Variants in LUZP2 observed in about 807,000 individuals in gnomAD.
LUZP2 encodes the protein leucine zipper protein 2.
Under a neutral mutation model 51.6 loss-of-function variants are expected in LUZP2, and 52 were observed. The ratio of observed to expected loss-of-function variants is 1.01; its 90% CI spans 0.81 to 1.27. LUZP2 has a LOEUF of 1.27. Among genes scored for constraint, LUZP2 ranks in the 50% most tolerant of loss-of-function variants. The pLI, the probability that LUZP2 is intolerant of heterozygous loss-of-function variation, is 0.00. For missense variants in LUZP2, 436 were observed against 395.4 expected, an observed-to-expected ratio of 1.10 and a Z score of -0.87; for synonymous variants, 154 against 137.3, an observed-to-expected ratio of 1.12 and a Z score of -0.85.
rs1851930732 is a variant in LUZP2, at chr11:24,558,268, G to A, written c.62+60963G>A. Among the ~76,000 whole-genome samples the A allele has an allele frequency of 3.9e-5, 6 of 152,048 alleles. No individual in the cohort carries two copies. The South Asian group carries it at 1.2e-3, about 32-fold the overall frequency. On this transcript the variant is annotated intron_variant, in intron 1 of 11. Coordinates refer to ENST00000336930, the MANE Select transcript of LUZP2 (RefSeq NM_001009909.4). ...TTGGTTCTGAGGCCTTTGAACCTGA[G>A]CTGAGCCACACTACTGGCTTTCCTG... is the stretch of plus-strand genomic sequence containing the variant.
Position 24,975,396 on chromosome 11 carries a change from A to T in LUZP2, c.523-1195A>T, listed in dbSNP as rs540548378. On this transcript the variant is annotated intron_variant, in intron 7 of 11. Transcript: ENST00000336930. Reference sequence around the variant, plus strand: ...TCAACTGGAAGATGTAAACAATTTAAGAATATAAGTTTGTAGATTATTTAG... The same window carrying T: ...TCAACTGGAAGATGTAAACAATTTATGAATATAAGTTTGTAGATTATTTAG... 1.3e-4 allele frequency among the ~76,000 whole-genome samples: 20 copies of T among 152,204 alleles called. No homozygotes were observed. In the South Asian group the frequency reaches 2.5e-3, roughly 19 times the overall value.
intron 1 of LUZP2, among the ~76,000 whole-genome samples, chr11:24,585,605 A>G (rs2133830843): frequency 6.6e-6 from 1 of 152,234 alleles, no homozygotes; most frequent in East Asian, 1.9e-4. Context: ...AGAATGTTAA[A>G]AAAACAAACC....
At chr11:24,743,429 G>A (rs1859258877) in intron 4 of LUZP2, among the ~76,000 whole-genome samples, 1 of 151,892 alleles carries the variant, frequency 6.6e-6, no homozygotes, top group African/African-American at 2.4e-5. Flanking sequence ...ATATTCCTAA[G>A]TATTTTACTT....
chr11:25,029,480 G>C (rs760129434), intron 9 of LUZP2, among the ~76,000 whole-genome samples: 2 of 152,080 alleles, frequency 1.3e-5, no homozygotes, highest in Non-Finnish European at 1.5e-5. Context: ...GCTCACACCT[G>C]TAATCCCAGT....
intron 7 of LUZP2, among the ~76,000 whole-genome samples, chr11:24,956,296 G>T (rs2133870535): frequency 6.6e-6 from 1 of 152,030 alleles, no homozygotes; most frequent in Admixed American, 6.6e-5. Flanking sequence ...GGAAAGGCAA[G>T]GAACTGATTT....
chr11:24,839,939 T>C (rs1226097600), intron 5 of LUZP2, among the ~76,000 whole-genome samples: 1 of 151,816 alleles, frequency 6.6e-6, no homozygotes, highest in African/African-American at 2.4e-5. Flanking sequence ...CATTTCTGTA[T>C]TGATTATTCT....
intron 10 of LUZP2, among the ~76,000 whole-genome samples, chr11:25,068,027 A>G (rs1032987652): frequency 6.6e-6 from 1 of 152,040 alleles, no homozygotes; most frequent in African/African-American, 2.4e-5. Context: ...AACATAGATG[A>G]AGCTGGAAAC....
At chr11:25,025,653 G>A (rs984089366) in intron 9 of LUZP2, among the ~76,000 whole-genome samples, 1 of 152,134 alleles carries the variant, frequency 6.6e-6, no homozygotes, top group African/African-American at 2.4e-5. Flanking sequence ...ACAGGTGCTG[G>A]GGAGGATGTG....
chr11:24,670,591 A>G (rs941908069), intron 1 of LUZP2, among the ~76,000 whole-genome samples: 2 of 152,004 alleles, frequency 1.3e-5, no homozygotes, highest in Non-Finnish European at 1.5e-5. Context: ...AAACACACAG[A>G]CACACACATA....
chr11:24,570,284 G>A (rs1852390562), intron 1 of LUZP2, among the ~76,000 whole-genome samples: 1 of 151,938 alleles, frequency 6.6e-6, no homozygotes. Flanking sequence ...GAGATTTGAG[G>A]GGGAAAGTGC....
chr11:24,986,561 G>C (rs959565063), intron 9 of LUZP2, among the ~76,000 whole-genome samples: 1 of 151,122 alleles, frequency 6.6e-6, no homozygotes, highest in Non-Finnish European at 1.5e-5. Flanking sequence ...GTGTGTGTGT[G>C]TGTGTGTAAC....
intron 10 of LUZP2, among the ~76,000 whole-genome samples, chr11:25,060,669 C>T (rs912235468): frequency 1.3e-5 from 2 of 152,014 alleles, no homozygotes; most frequent in African/African-American, 4.8e-5. Context: ...TCCCACTTTG[C>T]CATAGGCAAA....
At chr11:24,983,604 A>G (rs1359226286) in intron 9 of LUZP2, among the ~76,000 whole-genome samples, 1 of 151,796 alleles carries the variant, frequency 6.6e-6, no homozygotes, top group Admixed American at 6.6e-5. Flanking sequence ...CATTGAAATA[A>G]ACATCACAGG....
At chr11:24,654,442 G>A (rs963124493) in intron 1 of LUZP2, among the ~76,000 whole-genome samples, 8 of 151,292 alleles carry the variant, frequency 5.3e-5, no homozygotes, top group South Asian at 2.1e-4. Context: ...TTTCAGACAG[G>A]GTCTCACTCT....
chr11:24,916,411 T>A (rs892075918), intron 7 of LUZP2, among the ~76,000 whole-genome samples: 3 of 152,118 alleles, frequency 2.0e-5, no homozygotes, highest in African/African-American at 7.2e-5. Flanking sequence ...TGTATACATG[T>A]GCCTTGTTGG....
Position 24,764,583 on chromosome 11 carries a change from G to A in LUZP2, c.396+1275G>A, listed in dbSNP as rs978407096. The stretch of plus-strand genomic sequence containing the variant: ...CGAGGCCAAGGCAGGAGGATTGCTT[G>A]AGCCTGAGAGGTCGAGGTTGCAGTG... On this transcript the variant is annotated intron_variant, in intron 5 of 11. Transcript: ENST00000336930. 2.0e-5 allele frequency among the ~76,000 whole-genome samples: 3 copies of A among 151,248 alleles called. No individual in the cohort carries two copies. In the South Asian group the frequency reaches 6.3e-4, roughly 32 times the overall value.
intron 1 of LUZP2, among the ~76,000 whole-genome samples, chr11:24,709,662 T>A (rs531587479): frequency 6.6e-6 from 1 of 152,184 alleles, no homozygotes; most frequent in African/African-American, 2.4e-5. Flanking sequence ...GCTAATGGGA[T>A]CTCAATAAAT....
chr11:24,882,299 G>T (rs996266508), intron 5 of LUZP2, among the ~76,000 whole-genome samples: 1 of 151,686 alleles, frequency 6.6e-6, no homozygotes, highest in Non-Finnish European at 1.5e-5. Flanking sequence ...CTTTTTAAAA[G>T]AATTTTGGAG....
At chr11:24,502,407 A>G (rs1442620591) in intron 1 of LUZP2, among the ~76,000 whole-genome samples, 1 of 147,880 alleles carries the variant, frequency 6.8e-6, no homozygotes, top group Non-Finnish European at 1.5e-5. Context: ...TGTTTTTGAG[A>G]TGGAGTCTTG....
Sources: allele counts gnomAD v4.1 joint callset (sites outside exome capture counted in the v4.1 genomes callset), GRCh38; gene constraint gnomAD v4.1.1; transcripts MANE v1.5; gene names NCBI Gene and HGNC (gene_info 2026-07-23, HGNC 2026-07-21).